Variants in IQCH observed in about 807,000 individuals in gnomAD.
IQCH encodes IQ domain-containing protein H.
Under a neutral mutation model 117.0 loss-of-function variants are expected in IQCH, and 98 were observed. That is an observed-to-expected ratio of 0.84 (90% confidence interval 0.71 to 0.99). The LOEUF is 0.99. Ranked by LOEUF, IQCH falls within the 50% of genes least tolerant of loss-of-function variation. IQCH has a pLI of 0.00. For missense variants in IQCH, 1,102 were observed against 1,243.8 expected, an observed-to-expected ratio of 0.89 and a Z score of 1.72; for synonymous variants, 412 against 448.2, an observed-to-expected ratio of 0.92 and a Z score of 1.02.
At chr15:67,337,747 A>G (rs1458482789) in intron 5 of IQCH, among the ~76,000 whole-genome samples, 2 of 152,214 alleles carry the variant, frequency 1.3e-5, no homozygotes, top group African/African-American at 4.8e-5. Context: ...AATTTAATTG[A>G]CCAAAGTGTT....
At chr15:67,294,258 T>C (rs999576948) in intron 4 of IQCH, among the ~76,000 whole-genome samples, 22 of 152,184 alleles carry the variant, frequency 1.4e-4, no homozygotes, top group Admixed American at 1.3e-3. Flanking sequence ...ACTTTTGTCT[T>C]ATTGTCTTTT....
chr15:67,487,347 A>C (rs544924001), intron 18 of IQCH, among the ~76,000 whole-genome samples: 34 of 152,162 alleles, frequency 2.2e-4, no homozygotes, highest in African/African-American at 8.0e-4. Flanking sequence ...ACAACAACAA[A>C]AAAAGAATGT....
intron 4 of IQCH, among the ~76,000 whole-genome samples, chr15:67,298,683 T>C (rs1596128833): frequency 6.6e-6 from 1 of 151,958 alleles, no homozygotes; most frequent in African/African-American, 2.4e-5. Context: ...CTGGCCAACA[T>C]GATGAAACCC....
At chr15:67,268,669 T>C (rs1440784755) in intron 3 of IQCH, among the ~76,000 whole-genome samples, 1 of 152,134 alleles carries the variant, frequency 6.6e-6, no homozygotes, top group Non-Finnish European at 1.5e-5. Context: ...CAATGGTGAG[T>C]GTAGATTAGA....
chr15:67,395,655 C>T lies in IQCH; in HGVS notation c.1905+92C>T. The T allele has an allele frequency of 9.1e-7, 1 of 1,097,606 alleles. No individual in the cohort carries two copies. The highest frequency in any genetic ancestry group is 1.3e-6 in the Non-Finnish European group (1 of 754,454). The allele number at this position is 1,097,606 out of a possible 1,614,324, so 68.0% of individuals were successfully genotyped here. Reference sequence around the variant, plus strand: ...TCCAAGTCTTCTGGAGCCAGACCTACCCAATGAAGAATAGGTGGAATATTT... The same window carrying T: ...TCCAAGTCTTCTGGAGCCAGACCTATCCAATGAAGAATAGGTGGAATATTT... On this transcript the variant is annotated intron_variant, in intron 13 of 20. Coordinates refer to ENST00000335894, the MANE Select transcript of IQCH (RefSeq NM_001031715.3). This position sits in a 1 kb window ranked among gnomAD's most constrained non-coding sequence, Gnocchi z 4.0.
rs373993114 is a variant in IQCH at position 67,366,792 on chromosome 15, G to T, written c.754-5319G>T. Among the ~76,000 whole-genome samples, 42 of 152,114 alleles carry T rather than the reference G, an allele frequency of 2.8e-4. No individual in the cohort carries two copies. The highest frequency in any genetic ancestry group is 9.7e-4 in the African/African-American group (40 of 41,426). On this transcript the variant is annotated intron_variant, in intron 8 of 20. Coordinates refer to ENST00000335894, the MANE Select transcript of IQCH (RefSeq NM_001031715.3). The surrounding 1 kb of genome is among the most constrained non-coding windows in gnomAD (Gnocchi z 4.4). ...GAATACTGGAACACTACTCTTTGGG[G>T]TTCTCTCCCCATGACCACCTTTACC...
At chr15:67,288,900 T>C (rs1318336565) in intron 4 of IQCH, among the ~76,000 whole-genome samples, 1 of 152,088 alleles carries the variant, frequency 6.6e-6, no homozygotes, top group East Asian at 1.9e-4. Context: ...TTATGCAAAC[T>C]TGGTCAGGGA....
chr15:67,471,012 T>C (rs2083058965), intron 17 of IQCH, among the ~76,000 whole-genome samples: 1 of 152,238 alleles, frequency 6.6e-6, no homozygotes, highest in Admixed American at 6.5e-5. Flanking sequence ...TCATTTCTTT[T>C]TTTTCAGATT....
In IQCH at chr15:67,453,789, G is replaced by C. The variant is rs551929290; in HGVS notation, c.2506-11338G>C. 6.6e-6 allele frequency among the ~76,000 whole-genome samples: 1 copy of C among 152,244 alleles called. No individual in the cohort carries two copies. The highest frequency in any genetic ancestry group is 1.5e-5 in the Non-Finnish European group (1 of 68,040). On this transcript the variant is annotated intron_variant, in intron 16 of 20. Coordinates refer to ENST00000335894, the MANE Select transcript of IQCH (RefSeq NM_001031715.3). The surrounding 1 kb of genome is among the most constrained non-coding windows in gnomAD (Gnocchi z 5.8). The stretch of plus-strand genomic sequence containing the variant: ...ATTTAAGTCTGCAGAGGTTACTGCT[G>C]TCTTTTTGTTTGTCTGTGCCCTGCC...
intron 10 of IQCH, chr15:67,373,695 A>G (rs1970641571): frequency 1.8e-6 from 1 of 561,088 alleles, no homozygotes; most frequent in South Asian, 2.2e-5. Flanking sequence ...TCTGTATGAA[A>G]TGAACTAAAA....
chr15:67,461,168 G>C (rs1310236467), intron 16 of IQCH, among the ~76,000 whole-genome samples: 1 of 151,840 alleles, frequency 6.6e-6, no homozygotes, highest in Admixed American at 6.6e-5. Context: ...TTGAGGTCAG[G>C]AGTTGGAGAC....
intron 16 of IQCH, among the ~76,000 whole-genome samples, chr15:67,428,889 TAGAA>T (rs1158070657): frequency 1.4e-5 from 2 of 147,144 alleles, no homozygotes; most frequent in Non-Finnish European, 3.0e-5. Context: ...AGGGGGATCA[TAGAA>T]AGAGAAGGAT....
In IQCH at chr15:67,432,106, A is replaced by G. The variant is rs933577572; in HGVS notation, c.2505+10529A>G. On this transcript the variant is annotated intron_variant, in intron 16 of 20. Transcript: ENST00000335894. This position sits in a 1 kb window ranked among gnomAD's most constrained non-coding sequence, Gnocchi z 5.0. ...GAACTTTGAAACAACAATCTGTATTATAAGCATTGATAGTTAATACTTTTT... is the reference window on the plus strand; with the variant it reads ...GAACTTTGAAACAACAATCTGTATTGTAAGCATTGATAGTTAATACTTTTT... 6.6e-6 allele frequency among the ~76,000 whole-genome samples: 1 copy of G among 152,244 alleles called. No homozygotes were observed. The highest frequency in any genetic ancestry group is 2.4e-5 in the African/African-American group (1 of 41,472).
At chr15:67,268,117 C>T (rs1965752866) in intron 3 of IQCH, among the ~76,000 whole-genome samples, 1 of 152,124 alleles carries the variant, frequency 6.6e-6, no homozygotes, top group Non-Finnish European at 1.5e-5. Context: ...CTCTTTTGCT[C>T]CATAACTGCC....
At chr15:67,449,618 G>A (rs965072051) in intron 16 of IQCH, among the ~76,000 whole-genome samples, 8 of 152,128 alleles carry the variant, frequency 5.3e-5, no homozygotes, top group African/African-American at 1.7e-4. Context: ...TGCTGTTTTG[G>A]TTACTGTAGC....
chr15:67,340,062 A>G (rs1399755164), intron 5 of IQCH, among the ~76,000 whole-genome samples: 2 of 152,190 alleles, frequency 1.3e-5, no homozygotes, highest in Admixed American at 1.3e-4. Flanking sequence ...CATGTAAGCC[A>G]TATACCAGGC....
rs1357152383 is a variant in IQCH at position 67,336,976 on chromosome 15, T to C, written c.389T>C (p.Ile130Thr). 1.2e-6 allele frequency: 2 copies of C among 1,613,208 alleles called. No individual in the cohort carries two copies. Among genetic ancestry groups the C allele is most frequent in the African/African-American group, 1.3e-5 (1 of 74,878 alleles). Residue 130 changes from isoleucine to threonine, a missense_variant and splice_region_variant, in exon 5 of 21, where the codon ATA becomes ACA. Coordinates refer to ENST00000335894, the MANE Select transcript of IQCH (RefSeq NM_001031715.3). ...TGAAACAAATTTTTTATTATCTAGA[T>C]AAAGGTTTCGAAGTTAATCAAAGGG... ...SSLPVFPRAK[I>T]KVSKLIKGSN...
chr15:67,437,206 T>C (rs1176070803), intron 16 of IQCH, among the ~76,000 whole-genome samples: 1 of 152,110 alleles, frequency 6.6e-6, no homozygotes, highest in East Asian at 1.9e-4. Flanking sequence ...GAGAAACCCA[T>C]ATAATATATG....
rs1188808391 is a variant in IQCH at position 67,467,828 on chromosome 15, G to C, written c.2676+2531G>C. Among the ~76,000 whole-genome samples, 1 of 152,206 alleles carries C rather than the reference G, an allele frequency of 6.6e-6. No individual in the cohort carries two copies. The highest frequency in any genetic ancestry group is 2.4e-5 in the African/African-American group (1 of 41,450). On this transcript the variant is annotated intron_variant, in intron 17 of 20. Coordinates refer to ENST00000335894, the MANE Select transcript of IQCH (RefSeq NM_001031715.3). This position sits in a 1 kb window ranked among gnomAD's most constrained non-coding sequence, Gnocchi z 5.7. ...ACAGATGAAACCACAATGATAATGA[G>C]AGCGCATTCAAAACTAATGCCTATA...
Sources: gnomAD v4.1 joint callset for allele counts (sites outside exome capture counted in the v4.1 genomes callset) on GRCh38, gnomAD v4.1.1 for gene constraint, Gnocchi (gnomAD v3.1) non-coding constraint, MANE v1.5 for transcripts, NCBI Gene and HGNC (gene_info 2026-07-23, HGNC 2026-07-21) for gene names.